ANKRD11: variants seen among roughly 807,000 people sequenced by gnomAD.
The protein encoded by ANKRD11 is ankyrin repeat domain 11, also known as ankyrin repeat domain-containing protein 11.
A neutral mutation model predicts 195.7 loss-of-function variants in ANKRD11; 17 were observed. That is an observed-to-expected ratio of 0.09 (90% confidence interval 0.06 to 0.13). The LOEUF (loss-of-function observed/expected upper bound fraction) is 0.13. Among genes scored for constraint, ANKRD11 ranks in the 10% least tolerant of loss-of-function variants. ANKRD11 has a pLI of 1.00. For missense variants in ANKRD11, 3,735 were observed against 3,566.1 expected (o/e 1.05, Z -1.21); for synonymous variants, 1,953 against 1,528.1 (o/e 1.28, Z -6.49).
At chr16:89,453,252 T>G (rs376993320) in intron 1 of ANKRD11, among the ~76,000 whole-genome samples, 1 of 152,236 alleles carries the variant, frequency 6.6e-6, no homozygotes, top group African/African-American at 2.4e-5. Flanking sequence ...TTAAATTTTG[T>G]TTCAGTTGCT....
chr16:89,338,077 C>A (rs572964192), intron 2 of ANKRD11, among the ~76,000 whole-genome samples: 1 of 152,350 alleles, frequency 6.6e-6, no homozygotes, highest in Non-Finnish European at 1.5e-5. Flanking sequence ...CTCTGCCACT[C>A]AGGAGCCCCA....
At chr16:89,292,802 G>T (rs906978735) in intron 4 of ANKRD11, among the ~76,000 whole-genome samples, 1 of 152,264 alleles carries the variant, frequency 6.6e-6, no homozygotes, top group Non-Finnish European at 1.5e-5. Context: ...CATCATTGGC[G>T]TAGCCACACC....
At chr16:89,442,263 A>G (rs1328618758) in intron 1 of ANKRD11, among the ~76,000 whole-genome samples, 1 of 152,198 alleles carries the variant, frequency 6.6e-6, no homozygotes, top group Non-Finnish European at 1.5e-5. Flanking sequence ...TTTCCTCACT[A>G]AGGATTTAAT....
chr16:89,338,367 G>A (rs112366555), intron 2 of ANKRD11, among the ~76,000 whole-genome samples: 1,541 of 147,956 alleles, frequency 0.01, 25 homozygotes, highest in African/African-American at 0.036. Context: ...CTGCAAAATT[G>A]AAACATGGGT....
rs764805663 is a variant in ANKRD11 at position 89,305,302 on chromosome 16, G to A, written c.130C>T (p.Arg44Cys). Residue 44 changes from arginine to cysteine, a missense_variant, in exon 4 of 13, where the codon CGT (arginine) becomes TGT (cysteine). By Grantham distance (180) the Arg-to-Cys change is radical. Coordinates refer to ENST00000301030, the MANE Select transcript of ANKRD11 (RefSeq NM_013275.6). ...VSLTKTPKLERGDGGKEVRER... is the reference protein window; with the variant it reads ...VSLTKTPKLECGDGGKEVRER... ...CTCACCTCCTTCCCGCCATCGCCAC[G>A]CTCCAGTTTTGGGGTCTTGGTTAGA... 2.9e-5 allele frequency: 47 copies of A among 1,613,872 alleles called. No homozygotes were observed. The highest frequency in any genetic ancestry group is 2.2e-5 in the Non-Finnish European group (26 of 1,179,912).
At chr16:89,445,261 G>A (rs908210497) in intron 1 of ANKRD11, among the ~76,000 whole-genome samples, 1 of 152,236 alleles carries the variant, frequency 6.6e-6, no homozygotes, top group African/African-American at 2.4e-5. Context: ...AGTAAGGGAA[G>A]GGGAGCAAGC....
chr16:89,274,384 G>A (rs1342445785), intron 11 of ANKRD11, among the ~76,000 whole-genome samples: 5 of 152,198 alleles, frequency 3.3e-5, no homozygotes, highest in Non-Finnish European at 7.4e-5. Context: ...TGCTGTCCCC[G>A]TATGACAGCC....
chr16:89,290,714 C>T lies in ANKRD11; in HGVS notation c.512G>A (p.Arg171His), dbSNP rs200994100. 5.0e-6 allele frequency: 8 copies of T among 1,613,728 alleles called. No individual in the cohort carries two copies. The highest frequency in any genetic ancestry group is 3.4e-6 in the Non-Finnish European group (4 of 1,180,016). ...VNKRNERGETRLHRAAIRGDA... is the reference protein window; with the variant it reads ...VNKRNERGETHLHRAAIRGDA... The stretch of plus-strand genomic sequence containing the variant: ...CCCGCGGATGGCGGCTCGGTGCAGG[C>T]GGGTCTCTCCACGCTCGTTTCTCTT... Residue 171 changes from arginine (R) to histidine (H), a missense_variant, in exon 6 of 13, where the codon CGC becomes CAC. Arg to His is a conservative substitution (Grantham distance 29). Transcript: ENST00000301030.
chr16:89,431,395 ACACACCCAGG>A (rs1414338301), intron 1 of ANKRD11: 2 of 152,992 alleles, frequency 1.3e-5, no homozygotes, highest in Admixed American at 1.3e-4. Flanking sequence ...CATGATGATC[ACACACCCAGG>A]CACACCCACT....
intron 4 of ANKRD11, 126 bp downstream of exon 4, chr16:89,305,080 C>A: frequency 7.1e-7 from 1 of 1,412,298 alleles, no homozygotes; most frequent in Non-Finnish European, 9.5e-7. Flanking sequence ...CTTGCCTGGA[C>A]GGCGTGCAGG....
At chr16:89,324,674 C>T (rs1050446825) in intron 2 of ANKRD11, 12 of 360,886 alleles carry the variant, frequency 3.3e-5, no homozygotes, top group Non-Finnish European at 4.9e-5. Context: ...CTGGATACTT[C>T]CTGCCCTCGA....
chr16:89,377,268 G>GGA (rs141718850), intron 2 of ANKRD11, among the ~76,000 whole-genome samples: 90 of 150,566 alleles, frequency 6.0e-4, no homozygotes, highest in South Asian at 1.5e-3. Flanking sequence ...TGTCAACATG[G>GGA]GAGAGAGAGA....
intron 2 of ANKRD11, among the ~76,000 whole-genome samples, chr16:89,382,556 A>T (rs2040708055): frequency 6.6e-6 from 1 of 151,822 alleles, no homozygotes; most frequent in Non-Finnish European, 1.5e-5. Context: ...CGAACTCCTG[A>T]CCTCAAGTGA....
chr16:89,483,683 C>G (rs1466102013), intron 1 of ANKRD11, among the ~76,000 whole-genome samples: 1 of 152,016 alleles, frequency 6.6e-6, no homozygotes, highest in African/African-American at 2.4e-5. Context: ...ACAAAATTAG[C>G]CAGGAGTGGT....
At chr16:89,489,581 G>C (rs1438468404) in intron 1 of ANKRD11, among the ~76,000 whole-genome samples, 2 of 151,750 alleles carry the variant, frequency 1.3e-5, no homozygotes, top group Admixed American at 1.3e-4. Flanking sequence ...GATAATAATA[G>C]GGACGCTGAG....
At chr16:89,307,026 GACAC>G (rs1226132225) in intron 3 of ANKRD11, among the ~76,000 whole-genome samples, 14 of 144,508 alleles carry the variant, frequency 9.7e-5, no homozygotes, top group South Asian at 2.2e-4. Context: ...GGGGCAGTGT[GACAC>G]ACACAGCGCT....
At chr16:89,367,786 T>C (rs528226249) in intron 2 of ANKRD11, among the ~76,000 whole-genome samples, 1 of 152,090 alleles carries the variant, frequency 6.6e-6, no homozygotes, top group East Asian at 1.9e-4. Context: ...TCTTGCAAAC[T>C]ATGACTTGTT....
At chr16:89,292,187 G>A (rs1290908466) in intron 4 of ANKRD11, among the ~76,000 whole-genome samples, 1 of 152,160 alleles carries the variant, frequency 6.6e-6, no homozygotes, top group South Asian at 2.1e-4. Flanking sequence ...CCAGGAAGAC[G>A]TGGGCCTCTG....
chr16:89,357,683 G>A (rs945734457), intron 2 of ANKRD11, among the ~76,000 whole-genome samples: 8 of 152,168 alleles, frequency 5.3e-5, no homozygotes, highest in Middle Eastern at 6.3e-3. Context: ...CAGCCCTAAC[G>A]AGGAATGCCT....
Sources: allele counts gnomAD v4.1 joint callset (sites outside exome capture counted in the v4.1 genomes callset), GRCh38; gene constraint gnomAD v4.1.1; transcripts MANE v1.5; gene names NCBI Gene and HGNC (gene_info 2026-07-23, HGNC 2026-07-21).